The following LAMC2 variants were observed in gnomAD, a reference collection of about 807,000 sequenced individuals.
LAMC2 encodes laminin subunit gamma 2, also known as laminin subunit gamma-2.
In LAMC2, 97 loss-of-function variants were observed where a neutral mutation model predicts 140.2. That is an observed-to-expected ratio of 0.69 (90% CI 0.59 to 0.82). LAMC2 has a LOEUF of 0.82. Among genes scored for constraint, LAMC2 ranks in the 40% least tolerant of loss-of-function variants. The pLI is 0.00. For missense variants in LAMC2, 1,402 were observed against 1,476.1 expected (o/e 0.95, Z 0.82); for synonymous variants, 513 against 540.2 (o/e 0.95, Z 0.70).
rs1400892952 is a variant in LAMC2 at position 183,230,963 on chromosome 1, T to G, written c.1717T>G (p.Cys573Gly). The change falls in exon 12 of 23, where the codon TGC becomes GGC. Residue 573 changes from cysteine (C) to glycine (G), a missense_variant and splice_region_variant. Around this residue, in one of 3 missense-constraint regions of LAMC2, gnomAD observed 723 missense variants for 783.3 expected, o/e 0.92. Coordinates refer to ENST00000264144, the MANE Select transcript of LAMC2 (RefSeq NM_005562.3). ...CTCCATTTGTCTTTTGTCTCTAGCT[T>G]GCAACTGTAACCCCATGGGCTCAGA... ...APNPADKCRA[C>G]NCNPMGSEPV... 1 of 1,614,072 alleles carries G rather than the reference T, an allele frequency of 6.2e-7. No homozygotes were observed. The highest frequency in any genetic ancestry group is 1.3e-5 in the African/African-American group (1 of 74,926).
intron 1 of LAMC2, among the ~76,000 whole-genome samples, chr1:183,204,467 A>C (rs1193884493): frequency 6.8e-6 from 1 of 146,874 alleles, no homozygotes; most frequent in South Asian, 2.2e-4. Flanking sequence ...AAAAAAAAAA[A>C]AAACCACTAC....
rs1660180639 is a variant in LAMC2, at chr1:183,243,384, C to T, written c.3566C>T (p.Ala1189Val). The T allele has an allele frequency of 5.0e-6, 8 of 1,614,094 alleles. No homozygotes were observed. The highest frequency in any genetic ancestry group is 6.8e-6 in the Non-Finnish European group (8 of 1,180,042). The change falls in exon 23 of 23, where the codon GCT (alanine) becomes GTT (valine). Residue 1189 changes from alanine (A) to valine (V), a missense_variant. Coordinates refer to ENST00000264144, the MANE Select transcript of LAMC2 (RefSeq NM_005562.3). The part of the protein sequence containing the change: ...NLPPGCYNTQ[A>V]LEQQ Reference sequence around the variant, plus strand: ...CCCCCAGGCTGCTACAATACCCAGGCTCTTGAGCAACAGTGAAGCTGCCAT... The same window carrying T: ...CCCCCAGGCTGCTACAATACCCAGGTTCTTGAGCAACAGTGAAGCTGCCAT...
the LAMC2 span, among the ~76,000 whole-genome samples, chr1:183,253,750 A>G: frequency 6.6e-6 from 1 of 152,004 alleles, no homozygotes; most frequent in Non-Finnish European, 1.5e-5. Flanking sequence ...TTTATTCTCT[A>G]TCTGTGTATT....
intron 1 of LAMC2, among the ~76,000 whole-genome samples, chr1:183,207,480 C>T (rs557349234): frequency 8.5e-5 from 13 of 152,320 alleles, no homozygotes; most frequent in Admixed American, 8.5e-4. Flanking sequence ...AGCTGCCCAT[C>T]CTCAGGTCTC....
chr1:183,192,598 T>C (rs1291303660), intron 1 of LAMC2, among the ~76,000 whole-genome samples: 2 of 152,172 alleles, frequency 1.3e-5, no homozygotes, highest in Non-Finnish European at 2.9e-5. Flanking sequence ...TTTCATCCTT[T>C]TATAGGTAGG....
In LAMC2 at chr1:183,243,858, G is replaced by T; in HGVS notation, c.*458G>T. 1 of 231,180 alleles carries T rather than the reference G, an allele frequency of 4.3e-6. No homozygotes were observed. The highest frequency in any genetic ancestry group is 8.7e-6 in the Non-Finnish European group (1 of 115,492). The allele number at this position is 231,180 out of a possible 1,614,324, so 14.3% of individuals were successfully genotyped here. Reference sequence around the variant, plus strand: ...ACAGAGTGCAACCCAGTCACACTGTGGCCAGTAAAATACTATTGCCTCATA... The same window carrying T: ...ACAGAGTGCAACCCAGTCACACTGTTGCCAGTAAAATACTATTGCCTCATA... On this transcript the variant is annotated 3_prime_UTR_variant, in exon 23 of 23. Transcript: ENST00000264144.
intron 22 of LAMC2, 142 bp downstream of exon 22, chr1:183,240,533 G>A (rs1660104272): frequency 1.4e-6 from 2 of 1,459,520 alleles, no homozygotes; most frequent in Non-Finnish European, 1.8e-6. Flanking sequence ...TCCAGGCCCA[G>A]ATAACTTTCG....
Position 183,222,177 on chromosome 1 carries a change from CCAA to C in LAMC2, c.731_733del (p.Gln244del), listed in dbSNP as rs760148798. The C allele has an allele frequency of 1.2e-5, 19 of 1,613,984 alleles. No individual in the cohort carries two copies. The East Asian group carries it at 2.2e-4, about 19-fold the overall frequency. ...GCCATCAAGATGTGTTTAGCTCAGC[CCAA>C]CGACTAGACCCTGTCTATTTTGTGG... On this transcript the variant is annotated inframe_deletion, in exon 6 of 23. Transcript: ENST00000264144.
In LAMC2 at chr1:183,237,911, G is replaced by A. The variant is rs958004546; in HGVS notation, c.2755-396G>A. On this transcript the variant is annotated intron_variant, in intron 18 of 22. Transcript: ENST00000264144. ...TGGAAAAATCAACAATGAAGGCACT[G>A]CTTATGGAAGAAGTAACAGTTGCAG... 3.9e-5 allele frequency among the ~76,000 whole-genome samples: 6 copies of A among 152,080 alleles called. No homozygotes were observed. The East Asian group carries it at 1.2e-3, about 29-fold the overall frequency.
In LAMC2 at chr1:183,239,635, C is replaced by T. The variant is rs1660070263; in HGVS notation, c.3069+72C>T. ...AAGGGTGGTGTGGAGGGAAAAAGAA[C>T]ATTGAGCTTATTTTAACCTCTGAGG... On this transcript the variant is annotated intron_variant, in intron 20 of 22. Transcript: ENST00000264144. 13 of 1,349,356 alleles carry T rather than the reference C, an allele frequency of 9.6e-6. No individual in the cohort carries two copies. The South Asian group carries it at 1.4e-4, about 14-fold the overall frequency. The allele number at this position is 1,349,356 out of a possible 1,614,324, so 83.6% of individuals were successfully genotyped here.
chr1:183,210,226 G>A (rs993911184), intron 2 of LAMC2, among the ~76,000 whole-genome samples: 2 of 152,172 alleles, frequency 1.3e-5, no homozygotes, highest in African/African-American at 4.8e-5. Context: ...ATAATGTAGA[G>A]TACAGTGGTG....
chr1:183,201,488 C>G (rs902811733), intron 1 of LAMC2, among the ~76,000 whole-genome samples: 1 of 152,168 alleles, frequency 6.6e-6, no homozygotes, highest in Non-Finnish European at 1.5e-5. Context: ...CTCCATTTCC[C>G]CATAACAGCC....
rs369154667 is a variant in LAMC2, at chr1:183,223,170, C to T, written c.799C>T (p.Gln267Ter). ...TGGGAATCAACAGGTGAGCTATGGT[C>T]AAAGCCTGTCCTTTGACTACCGTGT... ...FLGNQQVSYG[Q>*]SLSFDYRVDR... Residue 267 changes from glutamine to a stop codon, truncating the protein, a stop_gained, in exon 7 of 23, where the codon CAA becomes TAA. Coordinates refer to ENST00000264144, the MANE Select transcript of LAMC2 (RefSeq NM_005562.3). LOFTEE classifies it high-confidence loss of function. The T allele has an allele frequency of 6.2e-7, 1 of 1,614,118 alleles. No homozygotes were observed. The highest frequency in any genetic ancestry group is 8.5e-7 in the Non-Finnish European group (1 of 1,180,028).
Position 183,240,161 on chromosome 1 carries a change from A to G in LAMC2, c.3191A>G (p.Glu1064Gly), listed in dbSNP as rs749531525. Residue 1064 changes from glutamate (E) to glycine (G), a missense_variant, in exon 21 of 23, where the codon GAG becomes GGG. By Grantham distance (98) the Glu-to-Gly change is moderately conservative (BLOSUM62 -2). Coordinates refer to ENST00000264144, the MANE Select transcript of LAMC2 (RefSeq NM_005562.3). ...REVEGELERK[E>G]LEFDTNMDAV... ...GTGGAAGGAGAGCTGGAAAGGAAGG[A>G]GCTGGAGTTTGACACGAATATGGAT... The G allele has an allele frequency of 6.2e-6, 10 of 1,614,226 alleles. No homozygotes were observed. The South Asian group carries it at 1.1e-4, about 18-fold the overall frequency.
downstream of LAMC2, among the ~76,000 whole-genome samples, chr1:183,247,266 C>T (rs1324670951): frequency 6.6e-6 from 1 of 152,040 alleles, no homozygotes; most frequent in Non-Finnish European, 1.5e-5. Flanking sequence ...GAACCGAGAT[C>T]GCGCCATTGC....
chr1:183,218,072 C>T (rs1224018079), intron 3 of LAMC2, among the ~76,000 whole-genome samples: 1 of 152,184 alleles, frequency 6.6e-6, no homozygotes, highest in Admixed American at 6.5e-5. Context: ...CTGAGCCAAA[C>T]AGTGAACCAA....
intron 22 of LAMC2, 133 bp downstream of exon 22, chr1:183,240,524 C>A (rs772595454): frequency 2.7e-6 from 4 of 1,468,844 alleles, no homozygotes; most frequent in South Asian, 1.4e-5. Flanking sequence ...TGCTTTGTTT[C>A]CAGGCCCAGA....
chr1:183,253,945 ATG>A, the LAMC2 span, among the ~76,000 whole-genome samples: 7 of 108,010 alleles, frequency 6.5e-5, no homozygotes, highest in African/African-American at 2.2e-4. Flanking sequence ...GTGTGTGTGT[ATG>A]TGTGTGTGTA....
intron 1 of LAMC2, among the ~76,000 whole-genome samples, chr1:183,188,534 T>C (rs1658225637): frequency 6.6e-6 from 1 of 152,258 alleles, no homozygotes; most frequent in Non-Finnish European, 1.5e-5. Flanking sequence ...ATTCACTTAC[T>C]AGTTCCTTAT....
Sources: gnomAD v4.1 joint callset for allele counts (sites outside exome capture counted in the v4.1 genomes callset) on GRCh38, gnomAD v4.1.1 for gene constraint, gnomAD v4.1.1 regional missense constraint, MANE v1.5 for transcripts, NCBI Gene and HGNC (gene_info 2026-07-23, HGNC 2026-07-21) for gene names.